Variants in NALF1 observed in about 807,000 individuals in gnomAD.
NALF1 encodes the protein NALCN channel auxiliary factor 1, also known as family with sequence similarity 155 member A.
In NALF1, 3 loss-of-function variants were observed where a neutral mutation model predicts 48.4. That is an observed-to-expected ratio of 0.06 (90% CI 0.03 to 0.16). The LOEUF (loss-of-function observed/expected upper bound fraction) is 0.16, where lower values mean the gene tolerates loss of function less well. NALF1 is among the 10% of genes least tolerant of loss of function. NALF1 has a pLI of 1.00. For missense variants in NALF1, 526 were observed against 571.5 expected, an observed-to-expected ratio of 0.92 and a Z score of 0.81; for synonymous variants, 262 against 245.7, an observed-to-expected ratio of 1.07 and a Z score of -0.62.
chr13:107,197,902 T>A (rs1030639481), intron 2 of NALF1, among the ~76,000 whole-genome samples: 18 of 152,196 alleles, frequency 1.2e-4, no homozygotes, highest in African/African-American at 3.4e-4. Flanking sequence ...ATTTTCCTGG[T>A]AAGGATTAAG....
At chr13:107,260,482 C>T (rs758952335) in intron 1 of NALF1, among the ~76,000 whole-genome samples, 1 of 152,168 alleles carries the variant, frequency 6.6e-6, no homozygotes, top group Non-Finnish European at 1.5e-5. Context: ...CAGTGCAACT[C>T]GCTAGCAGAG....
At chr13:107,548,620 A>G (rs1034690388) in intron 1 of NALF1, among the ~76,000 whole-genome samples, 2 of 151,846 alleles carry the variant, frequency 1.3e-5, no homozygotes, top group Admixed American at 6.6e-5. Context: ...TCCACAATCT[A>G]TCAACTGCCA....
chr13:107,806,788 G>C (rs76551418), intron 1 of NALF1, among the ~76,000 whole-genome samples: 8,323 of 152,130 alleles, frequency 0.055, 783 homozygotes, highest in African/African-American at 0.19. Flanking sequence ...TTTAATAGCT[G>C]TTTTGTTTAA....
intron 1 of NALF1, among the ~76,000 whole-genome samples, chr13:107,832,187 A>C (rs552567742): frequency 2.6e-5 from 4 of 152,064 alleles, no homozygotes; most frequent in East Asian, 1.9e-4. Context: ...ATAATGATGG[A>C]TATTCAATCC....
chr13:107,476,308 G>T (rs2139056835), intron 1 of NALF1, among the ~76,000 whole-genome samples: 1 of 152,152 alleles, frequency 6.6e-6, no homozygotes, highest in East Asian at 1.9e-4. Context: ...AGCATGCAAT[G>T]TGCTATAAAG....
chr13:107,263,089 C>A (rs757007154), intron 1 of NALF1, among the ~76,000 whole-genome samples: 1 of 151,966 alleles, frequency 6.6e-6, no homozygotes, highest in Non-Finnish European at 1.5e-5. Context: ...CAGGGACTTG[C>A]CAGAGACTTT....
At chr13:107,685,417 G>A (rs1443710793) in intron 1 of NALF1, among the ~76,000 whole-genome samples, 2 of 152,160 alleles carry the variant, frequency 1.3e-5, no homozygotes, top group African/African-American at 2.4e-5. Flanking sequence ...TAGGGTAGGG[G>A]AATGATGAGT....
At chr13:107,790,858 A>G in intron 1 of NALF1, among the ~76,000 whole-genome samples, 1 of 146,818 alleles carries the variant, frequency 6.8e-6, no homozygotes, top group East Asian at 2.0e-4. Flanking sequence ...CTATAAACAT[A>G]GACTTATAAC....
chr13:107,451,912 G>A (rs1244002388), intron 1 of NALF1, among the ~76,000 whole-genome samples: 1 of 152,088 alleles, frequency 6.6e-6, no homozygotes, highest in Admixed American at 6.5e-5. Context: ...CCAGAAAGAG[G>A]GTATGTGTTT....
intron 1 of NALF1, among the ~76,000 whole-genome samples, chr13:107,845,749 C>G (rs1880155443): frequency 6.6e-6 from 1 of 152,128 alleles, no homozygotes; most frequent in Admixed American, 6.5e-5. Flanking sequence ...TCCCCACTCT[C>G]TTTTAAACTA....
chr13:107,469,078 A>T (rs1026910068), intron 1 of NALF1, among the ~76,000 whole-genome samples: 1 of 152,148 alleles, frequency 6.6e-6, no homozygotes, highest in Non-Finnish European at 1.5e-5. Flanking sequence ...TCACTTTTCT[A>T]AAATGAGCTT....
At chr13:107,201,091 CTGGCCTTTCCATG>C (rs1879503911) in intron 2 of NALF1, among the ~76,000 whole-genome samples, 2 of 152,208 alleles carry the variant, frequency 1.3e-5, no homozygotes, top group African/African-American at 2.4e-5. Context: ...TTCTCAAAAA[CTGGCCTTTCCATG>C]TGATCCCTTC....
intron 1 of NALF1, among the ~76,000 whole-genome samples, chr13:107,532,454 G>A (rs528670323): frequency 1.3e-5 from 2 of 151,924 alleles, no homozygotes; most frequent in Admixed American, 6.6e-5. Context: ...TCCAATAAGC[G>A]TTCATTCTAG....
intron 1 of NALF1, among the ~76,000 whole-genome samples, chr13:107,491,771 T>C (rs982445607): frequency 1.1e-4 from 16 of 152,130 alleles, no homozygotes; most frequent in African/African-American, 3.1e-4. Flanking sequence ...CGTTAGTAAA[T>C]GTAAGATGGT....
intron 1 of NALF1, among the ~76,000 whole-genome samples, chr13:107,836,754 C>T (rs555517260): frequency 6.6e-6 from 1 of 152,140 alleles, no homozygotes; most frequent in Non-Finnish European, 1.5e-5. Context: ...TCAGGTGAGT[C>T]TCTCTAATTT....
intron 1 of NALF1, among the ~76,000 whole-genome samples, chr13:107,524,485 C>T (rs117712453): frequency 9.2e-5 from 14 of 151,854 alleles, no homozygotes; most frequent in Admixed American, 2.6e-4. Flanking sequence ...TGGTACGAAA[C>T]GGATCCACAG....
chr13:107,723,948 A>G (rs1876068090), intron 1 of NALF1, among the ~76,000 whole-genome samples: 1 of 152,126 alleles, frequency 6.6e-6, no homozygotes, highest in Non-Finnish European at 1.5e-5. Flanking sequence ...TTTCATGCAA[A>G]TATTTGATTT....
At chr13:107,203,339 C>T (rs1347353063) in intron 2 of NALF1, among the ~76,000 whole-genome samples, 1 of 152,138 alleles carries the variant, frequency 6.6e-6, no homozygotes. Flanking sequence ...TGTGTGTTAT[C>T]GCCTCCTGGC....
intron 1 of NALF1, among the ~76,000 whole-genome samples, chr13:107,676,550 CGTT>C (rs1881127701): frequency 1.3e-5 from 2 of 150,034 alleles, no homozygotes; most frequent in South Asian, 2.1e-4. Context: ...ACAGACAAAA[CGTT>C]GTTATCACAG....
Sources: gnomAD v4.1 joint callset for allele counts (sites outside exome capture counted in the v4.1 genomes callset) on GRCh38, gnomAD v4.1.1 for gene constraint, MANE v1.5 for transcripts, NCBI Gene and HGNC (gene_info 2026-07-23, HGNC 2026-07-21) for gene names.